Variants in CCDC102B observed in about 807,000 individuals in gnomAD.
CCDC102B encodes the protein coiled-coil domain-containing protein 102B.
CCDC102B carries 75 observed loss-of-function variants against 57.4 expected under a neutral mutation model. The ratio of observed to expected loss-of-function variants is 1.31; its 90% CI spans 1.08 to 1.58. The LOEUF (loss-of-function observed/expected upper bound fraction) is 1.58. CCDC102B is among the 40% of genes most tolerant of loss of function. The pLI is 0.00. For missense variants in CCDC102B, 636 were observed against 582.6 expected (o/e 1.09, Z -0.94); for synonymous variants, 206 against 201.9 (o/e 1.02, Z -0.17).
At position 68,959,981 on chromosome 18, in the gene CCDC102B, C is replaced by A. The variant is rs150996205; in HGVS notation, c.1264-50953C>A. Reference sequence around the variant, plus strand: ...CCCCAGGCACCTACTTAGTGCTCAACCCCACTGTGGCTGAGCTGGTACCCA... The same window carrying A: ...CCCCAGGCACCTACTTAGTGCTCAAACCCACTGTGGCTGAGCTGGTACCCA... On this transcript the variant is annotated intron_variant, in intron 6 of 7. Transcript: ENST00000360242. Among the ~76,000 whole-genome samples, 460 of 152,122 alleles carry A rather than the reference C, an allele frequency of 3.0e-3. 2 individuals are homozygous for A. The highest frequency in any genetic ancestry group is 3.8e-3 in the Non-Finnish European group (260 of 67,998).
At chr18:68,844,365 A>T in intron 3 of CCDC102B, among the ~76,000 whole-genome samples, 1 of 150,446 alleles carries the variant, frequency 6.6e-6, no homozygotes. Context: ...ACACAAATGC[A>T]GTTAATTAAA....
At chr18:68,914,918 C>A (rs2041009078) in intron 6 of CCDC102B, among the ~76,000 whole-genome samples, 1 of 151,372 alleles carries the variant, frequency 6.6e-6, no homozygotes, top group Non-Finnish European at 1.5e-5. Flanking sequence ...TTCCAAGAAC[C>A]TATGGATGAC....
At chr18:68,722,003 A>C (rs1262235871) in intron 2 of CCDC102B, among the ~76,000 whole-genome samples, 1 of 152,212 alleles carries the variant, frequency 6.6e-6, no homozygotes, top group South Asian at 2.1e-4. Flanking sequence ...CAAGTACATG[A>C]TACAAGGGAG....
intron 4 of CCDC102B, among the ~76,000 whole-genome samples, chr18:68,852,948 G>A (rs2038199401): frequency 6.6e-6 from 1 of 152,126 alleles, no homozygotes; most frequent in Admixed American, 6.5e-5. Context: ...TATGACAGAA[G>A]TCCTAGCAGG....
chr18:68,828,434 A>G (rs554517772), intron 1 of CCDC102B, among the ~76,000 whole-genome samples: 2 of 151,790 alleles, frequency 1.3e-5, no homozygotes, highest in African/African-American at 4.8e-5. Context: ...CAGCAGAAAT[A>G]CAACAGAAAT....
At chr18:68,832,980 A>G (rs192057782) in intron 1 of CCDC102B, among the ~76,000 whole-genome samples, 4 of 152,308 alleles carry the variant, frequency 2.6e-5, no homozygotes, top group Admixed American at 2.6e-4. Context: ...AATGAACTCA[A>G]AGGACAGTGT....
chr18:68,744,698 G>A (rs529696380), intron 2 of CCDC102B, among the ~76,000 whole-genome samples: 6 of 152,216 alleles, frequency 3.9e-5, no homozygotes, highest in East Asian at 1.9e-4. Context: ...ATGATTCCCC[G>A]GCTGCGTGGT....
intron 6 of CCDC102B, among the ~76,000 whole-genome samples, chr18:69,000,269 C>T (rs1047200053): frequency 1.3e-5 from 2 of 152,092 alleles, no homozygotes; most frequent in East Asian, 3.8e-4. Flanking sequence ...ATTTACCATG[C>T]ACAATGGCCC....
At chr18:68,818,912 A>G (rs1353232004) in intron 1 of CCDC102B, among the ~76,000 whole-genome samples, 1 of 152,114 alleles carries the variant, frequency 6.6e-6, no homozygotes, top group Non-Finnish European at 1.5e-5. Flanking sequence ...GCCGGTGTGC[A>G]TATTGTCTTT....
intron 6 of CCDC102B, among the ~76,000 whole-genome samples, chr18:68,907,143 T>C (rs1281490672): frequency 6.6e-6 from 1 of 152,190 alleles, no homozygotes; most frequent in Non-Finnish European, 1.5e-5. Context: ...TCTCAACTAT[T>C]TTGGTGTCAA....
At chr18:69,022,193 C>CTATATATA (rs57226048) in intron 7 of CCDC102B, among the ~76,000 whole-genome samples, 173 of 142,048 alleles carry the variant, frequency 1.2e-3, no homozygotes, top group African/African-American at 4.7e-3. Context: ...ATCCTTTAGC[C>CTATATATA]TATATATATA....
At chr18:68,888,130 A>T (rs1300392129) in intron 5 of CCDC102B, among the ~76,000 whole-genome samples, 3 of 152,226 alleles carry the variant, frequency 2.0e-5, no homozygotes, top group African/African-American at 7.2e-5. Flanking sequence ...TATTAAAGTT[A>T]AAAATATACT....
At chr18:69,057,361 A>G (rs2052834388), downstream of CCDC102B, among the ~76,000 whole-genome samples, 1 of 151,972 alleles carries the variant, frequency 6.6e-6, no homozygotes, top group African/African-American at 2.4e-5. Context: ...CCATGGGGTG[A>G]TTCTTGCAGC....
intron 6 of CCDC102B, among the ~76,000 whole-genome samples, chr18:69,004,860 C>T (rs527887593): frequency 3.3e-5 from 5 of 152,214 alleles, no homozygotes; most frequent in Non-Finnish European, 5.9e-5. Flanking sequence ...ACACTATAGA[C>T]AATACTAAAT....
chr18:68,943,995 A>G (rs1481650878), intron 6 of CCDC102B, among the ~76,000 whole-genome samples: 1 of 152,182 alleles, frequency 6.6e-6, no homozygotes, highest in Non-Finnish European at 1.5e-5. Flanking sequence ...TATAGATGCT[A>G]TGCCGGACAG....
chr18:69,045,730 T>G (rs1228680798), intron 7 of CCDC102B, among the ~76,000 whole-genome samples: 2 of 152,080 alleles, frequency 1.3e-5, no homozygotes, highest in Non-Finnish European at 2.9e-5. Context: ...ATACAATAGG[T>G]ATTTTTTCTG....
intron 6 of CCDC102B, among the ~76,000 whole-genome samples, chr18:69,010,309 G>A (rs1340615427): frequency 6.6e-6 from 1 of 151,776 alleles, no homozygotes. Context: ...CTAAAAATGA[G>A]AAACGATATT....
chr18:68,996,473 A>G (rs1193331138), intron 6 of CCDC102B, among the ~76,000 whole-genome samples: 1 of 152,122 alleles, frequency 6.6e-6, no homozygotes, highest in African/African-American at 2.4e-5. Context: ...CCTTGTGATC[A>G]TGTGAGTCAA....
At chr18:68,978,803 C>T (rs1274165198) in intron 6 of CCDC102B, among the ~76,000 whole-genome samples, 1 of 151,894 alleles carries the variant, frequency 6.6e-6, no homozygotes, top group African/African-American at 2.4e-5. Context: ...CAGCATTTTC[C>T]ATAGTAGCCC....
Sources: gnomAD v4.1 joint callset for allele counts (sites outside exome capture counted in the v4.1 genomes callset) on GRCh38, gnomAD v4.1.1 for gene constraint, MANE v1.5 for transcripts, NCBI Gene and HGNC (gene_info 2026-07-23, HGNC 2026-07-21) for gene names.